Variants in FSTL5 observed in about 807,000 individuals in gnomAD.
FSTL5 encodes the protein follistatin like 5, also known as follistatin-related protein 5.
FSTL5 carries 62 observed loss-of-function variants against 89.1 expected under a neutral mutation model. The observed-to-expected ratio is 0.70, with a 90% CI of 0.57 to 0.86. FSTL5 has a LOEUF of 0.86. FSTL5 is among the 40% of genes least tolerant of loss of function. FSTL5 has a pLI of 0.00. For synonymous variants in FSTL5, 383 were observed against 346.2 expected (o/e 1.11, Z -1.18); for missense variants, 1,057 against 1,001.6 (o/e 1.06, Z -0.75).
At chr4:161,692,165 G>A (rs1737964167) in intron 6 of FSTL5, among the ~76,000 whole-genome samples, 1 of 151,970 alleles carries the variant, frequency 6.6e-6, no homozygotes, top group African/African-American at 2.4e-5. Flanking sequence ...CTGACATTAG[G>A]AGAAAAGCTT....
intron 4 of FSTL5, among the ~76,000 whole-genome samples, chr4:161,780,864 T>C (rs1289779356): frequency 6.6e-6 from 1 of 152,220 alleles, no homozygotes; most frequent in Non-Finnish European, 1.5e-5. Context: ...TTCTTATCTC[T>C]TTGAAATGAC....
chr4:161,880,092 T>C (rs1228634799), intron 4 of FSTL5, among the ~76,000 whole-genome samples: 2 of 152,110 alleles, frequency 1.3e-5, no homozygotes, highest in East Asian at 3.9e-4. Flanking sequence ...CATTCACACT[T>C]TCCACGATTA....
At position 162,111,469 on chromosome 4, in the gene FSTL5, T is replaced by C. The variant is rs1579036729; in HGVS notation, c.-16-57A>G. The C allele has an allele frequency of 4.6e-6, 6 of 1,315,812 alleles. No homozygotes were observed. In the East Asian group the frequency reaches 1.5e-4, roughly 33 times the overall value. The allele number at this position is 1,315,812 out of a possible 1,614,324, so 81.5% of individuals were successfully genotyped here. On this transcript the variant is annotated intron_variant, in intron 1 of 15. Transcript: ENST00000306100. ...AAAATGAATTATATATTAAAAAACA[T>C]GTATCATGAAATATTTAATATCACA...
chr4:161,406,036 T>C (rs1217553347), intron 15 of FSTL5, among the ~76,000 whole-genome samples: 2 of 152,054 alleles, frequency 1.3e-5, no homozygotes, highest in Non-Finnish European at 2.9e-5. Flanking sequence ...CTTAAAGCTG[T>C]CCTGAAGACT....
At chr4:161,642,289 T>C (rs1474604094) in intron 7 of FSTL5, among the ~76,000 whole-genome samples, 3 of 152,170 alleles carry the variant, frequency 2.0e-5, no homozygotes, top group Non-Finnish European at 4.4e-5. Flanking sequence ...TCTGGCAATA[T>C]ACAAAAATGA....
At chr4:161,904,621 T>C (rs374901823) in intron 4 of FSTL5, among the ~76,000 whole-genome samples, 2 of 125,264 alleles carry the variant, frequency 1.6e-5, no homozygotes, top group East Asian at 2.3e-4. Flanking sequence ...TTCATATTTT[T>C]AGAAAACAAA....
At chr4:161,848,754 G>A (rs1043263856) in intron 4 of FSTL5, among the ~76,000 whole-genome samples, 4 of 152,044 alleles carry the variant, frequency 2.6e-5, no homozygotes, top group African/African-American at 9.7e-5. Flanking sequence ...GCCTCTACTT[G>A]GAAATGTTCT....
chr4:161,970,387 G>C (rs184990700), intron 3 of FSTL5, among the ~76,000 whole-genome samples: 4 of 152,186 alleles, frequency 2.6e-5, no homozygotes, highest in African/African-American at 9.6e-5. Flanking sequence ...ATCAGTAAGA[G>C]TTCAGGTCTA....
At chr4:162,031,887 G>A (rs555484797) in intron 3 of FSTL5, among the ~76,000 whole-genome samples, 97 of 152,140 alleles carry the variant, frequency 6.4e-4, no homozygotes, top group African/African-American at 2.2e-3. Flanking sequence ...GCAGTGAGAC[G>A]AGATAGCACC....
At chr4:161,618,006 T>A (rs900390348) in intron 7 of FSTL5, among the ~76,000 whole-genome samples, 6 of 152,114 alleles carry the variant, frequency 3.9e-5, no homozygotes, top group African/African-American at 1.4e-4. Flanking sequence ...CATTGATGAG[T>A]GGTTTGTAGT....
chr4:162,139,310 T>G (rs1732636366), intron 1 of FSTL5, among the ~76,000 whole-genome samples: 1 of 151,978 alleles, frequency 6.6e-6, no homozygotes, highest in Non-Finnish European at 1.5e-5. Context: ...CTTAATGGAG[T>G]TCTTTGTAGG....
intron 6 of FSTL5, among the ~76,000 whole-genome samples, chr4:161,752,753 C>T (rs1238674543): frequency 6.6e-6 from 1 of 152,150 alleles, no homozygotes; most frequent in Non-Finnish European, 1.5e-5. Context: ...TATGTTAATG[C>T]CCTAACCCTC....
chr4:161,574,339 T>G (rs184277060), intron 8 of FSTL5, among the ~76,000 whole-genome samples: 1 of 148,812 alleles, frequency 6.7e-6, no homozygotes, highest in African/African-American at 2.5e-5. Context: ...TTTTCTTTTT[T>G]TTTTCTTTTT....
chr4:161,595,140 A>T (rs1733968120), intron 7 of FSTL5, among the ~76,000 whole-genome samples: 1 of 152,016 alleles, frequency 6.6e-6, no homozygotes, highest in South Asian at 2.1e-4. Flanking sequence ...GAGTTTTGTT[A>T]TATGTATAAA....
chr4:161,899,318 T>G (rs1027684788), intron 4 of FSTL5, among the ~76,000 whole-genome samples: 5 of 152,158 alleles, frequency 3.3e-5, no homozygotes, highest in African/African-American at 1.2e-4. Flanking sequence ...GAAATGTGGA[T>G]AGAGGACACA....
At chr4:161,915,397 G>A (rs1305660992) in intron 4 of FSTL5, among the ~76,000 whole-genome samples, 2 of 149,150 alleles carry the variant, frequency 1.3e-5, no homozygotes, top group African/African-American at 5.0e-5. Context: ...TAGTCCTAAT[G>A]TCTAATATCC....
At chr4:161,713,028 C>T (rs1169222139) in intron 6 of FSTL5, among the ~76,000 whole-genome samples, 2 of 152,046 alleles carry the variant, frequency 1.3e-5, no homozygotes, top group East Asian at 3.9e-4. Flanking sequence ...TCAGGTATTC[C>T]TTTATAGCAA....
At chr4:161,947,879 A>C (rs1215486720) in intron 3 of FSTL5, among the ~76,000 whole-genome samples, 4 of 152,120 alleles carry the variant, frequency 2.6e-5, no homozygotes, top group African/African-American at 4.8e-5. Flanking sequence ...CTATTTATTT[A>C]GGCTTTCCAT....
intron 3 of FSTL5, among the ~76,000 whole-genome samples, chr4:162,009,366 G>A (rs930371700): frequency 9.2e-5 from 14 of 152,058 alleles, no homozygotes; most frequent in African/African-American, 3.4e-4. Context: ...TGGGGCAGGG[G>A]CAAAGGAGTG....
Sources: gnomAD v4.1 joint callset for allele counts (sites outside exome capture counted in the v4.1 genomes callset) on GRCh38, gnomAD v4.1.1 for gene constraint, MANE v1.5 for transcripts, NCBI Gene and HGNC (gene_info 2026-07-23, HGNC 2026-07-21) for gene names.